Variants in SENP5 observed in about 807,000 individuals in gnomAD.
The protein encoded by SENP5 is SUMO specific peptidase 5.
SENP5 carries 21 observed loss-of-function variants against 74.2 expected under a neutral mutation model. The ratio of observed to expected loss-of-function variants is 0.28; its 90% CI spans 0.20 to 0.41. SENP5 has a LOEUF of 0.41. SENP5 is among the 10% of genes least tolerant of loss of function. The pLI is 1.00. For synonymous variants in SENP5, 311 were observed against 312.7 expected (o/e 0.99, Z 0.06); for missense variants, 717 against 889.1 (o/e 0.81, Z 2.46).
At chr3:196,906,147 G>T (rs1714893100) in intron 6 of SENP5, among the ~76,000 whole-genome samples, 1 of 152,232 alleles carries the variant, frequency 6.6e-6, no homozygotes, top group East Asian at 1.9e-4. Context: ...TTGAACCCAG[G>T]AGGTGGAGGT....
intron 1 of SENP5, among the ~76,000 whole-genome samples, chr3:196,882,085 G>A (rs1244119054): frequency 6.6e-6 from 1 of 151,752 alleles, no homozygotes; most frequent in African/African-American, 2.4e-5. Context: ...TTTTAGTAGG[G>A]TTGGGGTTTT....
chr3:196,891,638 C>T (rs181947932), intron 2 of SENP5, among the ~76,000 whole-genome samples: 1 of 152,196 alleles, frequency 6.6e-6, no homozygotes, highest in East Asian at 1.9e-4. Flanking sequence ...TCTATTGCTA[C>T]AAAAAATAAA....
At chr3:196,913,678 GT>G (rs1288531495) in intron 6 of SENP5, among the ~76,000 whole-genome samples, 1 of 118,228 alleles carries the variant, frequency 8.5e-6, no homozygotes, top group Non-Finnish European at 1.7e-5. Flanking sequence ...TTGATGGAGT[GT>G]TGCTCTTTTG....
chr3:196,928,181 C>T (rs1348122456), intron 8 of SENP5, among the ~76,000 whole-genome samples: 1 of 152,182 alleles, frequency 6.6e-6, no homozygotes, highest in Non-Finnish European at 1.5e-5. Flanking sequence ...TGCATCATGG[C>T]TCTTATTTCC....
chr3:196,868,880 A>ATGTTTTTTTTGTGTT (rs1553816666), intron 1 of SENP5, among the ~76,000 whole-genome samples: 2 of 142,326 alleles, frequency 1.4e-5, no homozygotes, highest in East Asian at 4.1e-4. Context: ...GTTCCTACTT[A>ATGTTTTTTTTGTGTT]TGTTTTTTTT....
intron 6 of SENP5, among the ~76,000 whole-genome samples, chr3:196,918,190 C>T (rs974303431): frequency 4.0e-5 from 6 of 151,568 alleles, no homozygotes; most frequent in Non-Finnish European, 8.8e-5. Context: ...GCCTGTAGTC[C>T]CAGCTACTCG....
intron 6 of SENP5, among the ~76,000 whole-genome samples, chr3:196,922,701 A>T (rs1350161217): frequency 6.6e-6 from 1 of 151,866 alleles, no homozygotes; most frequent in African/African-American, 2.4e-5. Context: ...GCTCAGTGCA[A>T]CCTCCGCCTC....
chr3:196,887,256 C>T (rs1714012090), intron 2 of SENP5, among the ~76,000 whole-genome samples: 1 of 151,786 alleles, frequency 6.6e-6, no homozygotes, highest in Admixed American at 6.6e-5. Context: ...CTTGGCTCAC[C>T]ACAACCTCCA....
intron 6 of SENP5, among the ~76,000 whole-genome samples, chr3:196,916,654 A>G (rs551710840): frequency 6.6e-6 from 1 of 151,582 alleles, no homozygotes; most frequent in East Asian, 2.0e-4. Context: ...CAGCCTCCTG[A>G]GTAACTGGGA....
chr3:196,886,000 G>T lies in SENP5; in HGVS notation c.819G>T (p.Gly273=). The change falls in exon 2 of 10, where the codon GGG becomes GGT. Residue 273 remains glycine, a synonymous_variant. Transcript: ENST00000323460. ...GAAGCTGGGTACAGAAAGTCACTGG[G>T]GACCATCAAGAGACCCGTAGGGAGA... ...AQRSWVQKVT[G]DHQETRRENG... 6.2e-7 allele frequency: 1 copy of T among 1,614,150 alleles called. No individual in the cohort carries two copies. Among genetic ancestry groups the T allele is most frequent in the Non-Finnish European group, 8.5e-7 (1 of 1,180,038 alleles).
At chr3:196,899,051 C>T (rs953503055) in intron 2 of SENP5, among the ~76,000 whole-genome samples, 5 of 149,042 alleles carry the variant, frequency 3.4e-5, no homozygotes, top group African/African-American at 1.2e-4. Flanking sequence ...TGCACTCCAG[C>T]CTGGGCAACA....
intron 1 of SENP5, among the ~76,000 whole-genome samples, chr3:196,871,925 A>G (rs889118612): frequency 3.9e-5 from 6 of 152,104 alleles, no homozygotes; most frequent in Non-Finnish European, 7.3e-5. Context: ...GCATATGTAC[A>G]CAAAATGGAA....
intron 2 of SENP5, among the ~76,000 whole-genome samples, chr3:196,898,888 T>G (rs960155784): frequency 2.8e-4 from 42 of 152,010 alleles, no homozygotes; most frequent in African/African-American, 9.4e-4. Context: ...TAGATTCCAT[T>G]TGATGATGAT....
At chr3:196,876,655 C>T (rs1463945059) in intron 1 of SENP5, among the ~76,000 whole-genome samples, 5 of 148,876 alleles carry the variant, frequency 3.4e-5, no homozygotes, top group East Asian at 3.9e-4. Flanking sequence ...TTTCGGTGGG[C>T]GGATCACTTG....
chr3:196,899,966 A>G lies in SENP5; in HGVS notation c.1662A>G (p.Arg554=), dbSNP rs767151748. 1.9e-6 allele frequency: 3 copies of G among 1,614,132 alleles called. No individual in the cohort carries two copies. The highest frequency in any genetic ancestry group is 1.7e-6 in the Non-Finnish European group (2 of 1,180,012). The change falls in exon 4 of 10, where the codon AGA becomes AGG. Residue 554 remains arginine (R), a synonymous_variant. Coordinates refer to ENST00000323460, the MANE Select transcript of SENP5 (RefSeq NM_152699.5). ...INREITNYRA[R]HQKCNFRIFY... The stretch of plus-strand genomic sequence containing the variant: ...GGGAAATAACAAACTATCGGGCCAG[A>G]CATCAAAAATGTAACTTCCGTATCT...
chr3:196,874,936 A>G (rs1212405609), intron 1 of SENP5, among the ~76,000 whole-genome samples: 2 of 151,454 alleles, frequency 1.3e-5, no homozygotes, highest in East Asian at 3.9e-4. Flanking sequence ...ATTCTCTTCT[A>G]CCTTTTACAA....
chr3:196,924,621 GT>G (rs34189969), intron 7 of SENP5, among the ~76,000 whole-genome samples: 122,675 of 152,142 alleles, frequency 0.81, 50,380 homozygotes, highest in African/African-American at 0.95. Flanking sequence ...ATATTTTCTG[GT>G]TAGAGTGTAT....
At chr3:196,900,516 T>C in intron 5 of SENP5, 104 bp downstream of exon 5, 1 of 959,488 alleles carries the variant, frequency 1.0e-6, no homozygotes, top group East Asian at 2.7e-5. Context: ...ATTCCTTAAA[T>C]TTTTTAAAAG....
At position 196,914,586 on chromosome 3, in the gene SENP5, A is replaced by AAAAAAAATATATATATAT; in HGVS notation, c.1885-8827_1885-8826insAAAAAATATATATATATA. Reference sequence around the variant, plus strand: ...CTTTAAAAAAAAAAAAAAAAAAAAAAATATATATATATATATATATATATA... The same window carrying AAAAAAAATATATATATAT: ...CTTTAAAAAAAAAAAAAAAAAAAAAAAAAAAAATATATATATATATATATATATATATATATATATATA... On this transcript the variant is annotated intron_variant, in intron 6 of 9. Transcript: ENST00000323460. 3.8e-3 allele frequency: 128 copies of AAAAAAAATATATATATAT among 33,420 alleles called. 1 individual carries two copies. The highest frequency in any genetic ancestry group is 5.1e-3 in the Non-Finnish European group (101 of 19,724). The allele number at this position is 33,420 out of a possible 1,614,324, so 2.1% of individuals were successfully genotyped here. A position where few individuals can be genotyped will look rare whatever the true frequency, so the allele number is the denominator to read the frequency against.
Sources: gnomAD v4.1 joint callset for allele counts (sites outside exome capture counted in the v4.1 genomes callset) on GRCh38, gnomAD v4.1.1 for gene constraint, MANE v1.5 for transcripts, NCBI Gene and HGNC (gene_info 2026-07-23, HGNC 2026-07-21) for gene names.